DLEC1: variants seen among roughly 807,000 people sequenced by gnomAD.
The protein encoded by DLEC1 is DLEC1 cilia and flagella associated protein, also known as deleted in lung and esophageal cancer protein 1.
Under a neutral mutation model 198.1 loss-of-function variants are expected in DLEC1, and 146 were observed. That is an observed-to-expected ratio of 0.74 (90% CI 0.64 to 0.85). The LOEUF (loss-of-function observed/expected upper bound fraction) is 0.85. Ranked by LOEUF, DLEC1 falls within the 40% of genes least tolerant of loss-of-function variation. The pLI is 0.00. For missense variants in DLEC1, 2,233 were observed against 2,220.0 expected (o/e 1.01, Z -0.12); for synonymous variants, 897 against 866.8 (o/e 1.03, Z -0.61).
At chr3:38,098,033 T>A (rs1699124960) in intron 18 of DLEC1, 131 bp downstream of exon 18, 2 of 1,222,316 alleles carry the variant, frequency 1.6e-6, no homozygotes, top group South Asian at 3.0e-5. Context: ...CCTGGTGACT[T>A]CGGCCTGGCG....
rs562443377 is a variant in DLEC1 at position 38,110,217 on chromosome 3, C to T, written c.3379C>T (p.Arg1127Cys). The T allele has an allele frequency of 9.3e-6, 15 of 1,614,162 alleles. No homozygotes were observed. Among genetic ancestry groups the T allele is most frequent in the African/African-American group, 2.7e-5 (2 of 75,050 alleles). ...ILTNRSPIRT[R>C]FSLKFEYFGS... The stretch of plus-strand genomic sequence containing the variant: ...CACCAATCGCTCCCCAATACGGACC[C>T]GTTTCTCCCTCAAGTTTGAGTATTT... The change falls in exon 23 of 37, where the codon CGT becomes TGT. Residue 1127 changes from arginine to cysteine, a missense_variant. Coordinates refer to ENST00000308059, the MANE Select transcript of DLEC1 (RefSeq NM_007335.4).
At chr3:38,088,589 A>AG (rs1380961592) in intron 10 of DLEC1, among the ~76,000 whole-genome samples, 4 of 152,180 alleles carry the variant, frequency 2.6e-5, no homozygotes, top group African/African-American at 9.7e-5. Context: ...GCAAATGCAG[A>AG]TAGCCCTAGC....
In DLEC1 at chr3:38,095,288, C is replaced by T. The variant is rs560994812; in HGVS notation, c.2112+217C>T. On this transcript the variant is annotated intron_variant, in intron 13 of 36. Coordinates refer to ENST00000308059, the MANE Select transcript of DLEC1 (RefSeq NM_007335.4). ...CCTGATCCCAGACTCACCCCATCTGCAGCAAGACCCTTGGCTGGCTTCCTC... is the reference window on the plus strand; with the variant it reads ...CCTGATCCCAGACTCACCCCATCTGTAGCAAGACCCTTGGCTGGCTTCCTC... 6.9e-6 allele frequency: 4 copies of T among 580,864 alleles called. No individual in the cohort carries two copies. The African/African-American group carries it at 7.4e-5, about 11-fold the overall frequency. The allele number at this position is 580,864 out of a possible 1,614,324, so 36.0% of individuals were successfully genotyped here. A position where few individuals can be genotyped will look rare whatever the true frequency, so the allele number is the denominator to read the frequency against.
Position 38,049,494 on chromosome 3 carries a change from A to G in DLEC1, c.562+3801A>G, listed in dbSNP as rs371047772. Among the ~76,000 whole-genome samples the G allele has an allele frequency of 2.9e-4, 44 of 152,370 alleles. No individual in the cohort carries two copies. In the East Asian group the frequency reaches 6.6e-3, roughly 23 times the overall value. On this transcript the variant is annotated intron_variant, in intron 2 of 36. Coordinates refer to ENST00000308059, the MANE Select transcript of DLEC1 (RefSeq NM_007335.4). ...GAGAAAGATCAGAATGCTGCAGAAC[A>G]TCTTGTGCTTTCATTCTTGTCCCTT...
rs201872221 is a variant in DLEC1, at chr3:38,039,487, C to G, written c.262C>G (p.Arg88Gly). 6.2e-7 allele frequency: 1 copy of G among 1,614,058 alleles called. No individual in the cohort carries two copies. The highest frequency in any genetic ancestry group is 8.5e-7 in the Non-Finnish European group (1 of 1,179,906). ...GCTTCGTCTGCGCCCCTCCTCGCTG[C>G]GCACCCAAGATATCTCGCACTTGCT... Reference protein sequence around the residue: ...QLLRLRPSSLRTQDISHLLTG... With the variant: ...QLLRLRPSSLGTQDISHLLTG... The change falls in exon 1 of 37, where the codon CGC (arginine) becomes GGC (glycine). Residue 88 changes from arginine (R) to glycine (G), a missense_variant. By Grantham distance (125) the Arg-to-Gly change is moderately radical. Coordinates refer to ENST00000308059, the MANE Select transcript of DLEC1 (RefSeq NM_007335.4).
At position 38,062,902 on chromosome 3, in the gene DLEC1, G is replaced by A. The variant is rs1448943238; in HGVS notation, c.1094+101G>A. 7.1e-6 allele frequency: 9 copies of A among 1,267,922 alleles called. No individual in the cohort carries two copies. In the East Asian group the frequency reaches 2.0e-4, roughly 28 times the overall value. 78.5% of individuals were successfully genotyped at this position (1,267,922 alleles called of 1,614,324 possible). On this transcript the variant is annotated intron_variant, in intron 5 of 36. Transcript: ENST00000308059. ...TGGCTGTAGAGGTCCCTAGACTTGTGGGGCAGGGTAGCAGTATCAGAACAG... is the reference window on the plus strand; with the variant it reads ...TGGCTGTAGAGGTCCCTAGACTTGTAGGGCAGGGTAGCAGTATCAGAACAG...
chr3:38,073,468 A>G (rs1188352707), intron 6 of DLEC1, among the ~76,000 whole-genome samples: 6 of 152,072 alleles, frequency 3.9e-5, no homozygotes, highest in African/African-American at 1.4e-4. Context: ...TAGGCATGTG[A>G]TCAGTTGCCA....
intron 2 of DLEC1, among the ~76,000 whole-genome samples, chr3:38,048,629 G>A (rs140429136): frequency 1.3e-3 from 193 of 152,304 alleles, no homozygotes; most frequent in African/African-American, 4.0e-3. Context: ...GCTTGGAAGG[G>A]GGTGGGACTT....
chr3:38,117,142 C>T, intron 30 of DLEC1, 42 bp downstream of exon 30: 1 of 1,613,906 alleles, frequency 6.2e-7, no homozygotes. Context: ...AGCCACTGCT[C>T]CCTCCTGGGT....
At chr3:38,051,934 G>A (rs1193718399) in intron 2 of DLEC1, 3 of 164,860 alleles carry the variant, frequency 1.8e-5, no homozygotes, top group African/African-American at 7.2e-5. Flanking sequence ...TCAATGACCT[G>A]AGGATTAATT....
At chr3:38,091,049 A>G (rs1443266971) in intron 10 of DLEC1, among the ~76,000 whole-genome samples, 2 of 152,246 alleles carry the variant, frequency 1.3e-5, no homozygotes, top group African/African-American at 4.8e-5. Context: ...AAATTAACTT[A>G]TTAATAAAAT....
intron 1 of DLEC1, among the ~76,000 whole-genome samples, chr3:38,040,748 A>G (rs986821277): frequency 1.3e-5 from 2 of 152,250 alleles, no homozygotes; most frequent in African/African-American, 2.4e-5. Context: ...ACTGGATTCT[A>G]TCTTCTCAGT....
rs576660690 is a variant in DLEC1 at position 38,090,460 on chromosome 3, A to T, written c.1665+2072A>T. 2.6e-5 allele frequency among the ~76,000 whole-genome samples: 4 copies of T among 152,306 alleles called. No homozygotes were observed. In the South Asian group the frequency reaches 6.2e-4, roughly 24 times the overall value. On this transcript the variant is annotated intron_variant, in intron 10 of 36. Transcript: ENST00000308059. ...ACTCTATATCTTAGAGATCATTCTC[A>T]TATGTTTTAGTAACTGCATAGTATC...
In DLEC1 at chr3:38,122,129, G is replaced by A. The variant is rs764707115; in HGVS notation, c.5079G>A (p.Leu1693=). Residue 1693 remains leucine, a synonymous_variant, in exon 36 of 37, where the codon CTG becomes CTA. Coordinates refer to ENST00000308059, the MANE Select transcript of DLEC1 (RefSeq NM_007335.4). ...TCAGGGTCTCCCCAAACAGTGGGCT[G>A]CTAGAAGCACGATCCGCCAATGCAC... ...VAFRVSPNSG[L]LEARSANAPP... 5.0e-6 allele frequency: 8 copies of A among 1,614,164 alleles called. No individual in the cohort carries two copies. In the East Asian group the frequency reaches 1.3e-4, roughly 27 times the overall value.
chr3:38,122,210 A>C lies in DLEC1; in HGVS notation c.5144+16A>C, dbSNP rs1575251218. The C allele has an allele frequency of 6.2e-7, 1 of 1,611,820 alleles. No individual in the cohort carries two copies. The highest frequency in any genetic ancestry group is 2.2e-5 in the East Asian group (1 of 44,820). ...TCACTGCCAGGTGCAGCCCCTTCCA[A>C]CCTTCCCCAAACTGCCCACAGAGCC... On this transcript the variant is annotated intron_variant, in intron 36 of 36. Coordinates refer to ENST00000308059, the MANE Select transcript of DLEC1 (RefSeq NM_007335.4).
At chr3:38,058,978 G>A (rs938299909) in intron 2 of DLEC1, among the ~76,000 whole-genome samples, 1 of 152,052 alleles carries the variant, frequency 6.6e-6, no homozygotes, top group East Asian at 1.9e-4. Flanking sequence ...TAATTCTTTG[G>A]AATACCTATA....
chr3:38,083,474 T>C (rs1698171449), intron 6 of DLEC1, among the ~76,000 whole-genome samples: 1 of 152,020 alleles, frequency 6.6e-6, no homozygotes, highest in South Asian at 2.1e-4. Context: ...GGATGGGCCA[T>C]TTTCACTTCT....
chr3:38,044,219 C>T (rs895398886), intron 1 of DLEC1, among the ~76,000 whole-genome samples: 10 of 151,834 alleles, frequency 6.6e-5, no homozygotes, highest in African/African-American at 2.4e-4. Context: ...GTACTCCAGG[C>T]TAAGCCACAA....
At chr3:38,085,598 T>C in intron 8 of DLEC1, 151 bp downstream of exon 8, 2 of 910,304 alleles carry the variant, frequency 2.2e-6, no homozygotes, top group Non-Finnish European at 3.3e-6. Context: ...TGCTAGCAGC[T>C]TCTGTAGCCA....
Sources: allele counts gnomAD v4.1 joint callset (sites outside exome capture counted in the v4.1 genomes callset), GRCh38; gene constraint gnomAD v4.1.1; transcripts MANE v1.5; gene names NCBI Gene and HGNC (gene_info 2026-07-23, HGNC 2026-07-21).